ERBB4: variants seen among roughly 807,000 people sequenced by gnomAD.
ERBB4 encodes erb-b2 receptor tyrosine kinase 4.
A neutral mutation model predicts 158.0 loss-of-function variants in ERBB4; 42 were observed. The observed-to-expected ratio is 0.27, with a 90% CI of 0.21 to 0.34. ERBB4 has a LOEUF of 0.34. ERBB4 is among the 10% of genes least tolerant of loss of function. The probability of loss-of-function intolerance (pLI) is 1.00; values close to 1 mark genes in which losing one functional copy is unlikely to be tolerated. For missense variants in ERBB4, 1,333 were observed against 1,624.1 expected (o/e 0.82, Z 3.08); for synonymous variants, 583 against 558.7 (o/e 1.04, Z -0.61).
chr2:211,808,520 G>T lies in ERBB4; in HGVS notation c.422-20361C>A, dbSNP rs187969549. On this transcript the variant is annotated intron_variant, in intron 3 of 27. Coordinates refer to ENST00000342788, the MANE Select transcript of ERBB4 (RefSeq NM_005235.3). The stretch of plus-strand genomic sequence containing the variant: ...TTTGGTACCAGTACAATGCTGTTTT[G>T]GTTACTATAGCCTTGCAGTATAGTT... Among the ~76,000 whole-genome samples the T allele has an allele frequency of 5.7e-3, 864 of 152,164 alleles. 8 individuals carry two copies. The highest frequency in any genetic ancestry group is 0.019 in the African/African-American group (789 of 41,516).
chr2:211,987,079 G>A (rs2125244221), intron 2 of ERBB4, among the ~76,000 whole-genome samples: 1 of 152,088 alleles, frequency 6.6e-6, no homozygotes, highest in South Asian at 2.1e-4. Flanking sequence ...CCAAAACTTT[G>A]GGAGGCCGAG....
chr2:211,703,254 T>C (rs540638296), intron 11 of ERBB4, among the ~76,000 whole-genome samples: 39 of 152,294 alleles, frequency 2.6e-4, no homozygotes, highest in African/African-American at 9.1e-4. Context: ...GACTGGCTTA[T>C]AATATTTATT....
intron 12 of ERBB4, among the ~76,000 whole-genome samples, chr2:211,690,685 C>T (rs548908770): frequency 6.6e-6 from 1 of 152,152 alleles, no homozygotes; most frequent in African/African-American, 2.4e-5. Context: ...CCAAGGAAGC[C>T]ACTTCTTTGA....
intron 2 of ERBB4, among the ~76,000 whole-genome samples, chr2:211,965,221 C>A (rs915210091): frequency 6.6e-6 from 1 of 152,126 alleles, no homozygotes; most frequent in East Asian, 1.9e-4. Flanking sequence ...AAATATTATG[C>A]TTTTTGATAT....
At chr2:211,427,941 GA>G (rs34071141) in intron 22 of ERBB4, among the ~76,000 whole-genome samples, 9,268 of 137,688 alleles carry the variant, frequency 0.067, 583 homozygotes, top group African/African-American at 0.17. Flanking sequence ...AATAAACCAG[GA>G]AAAAAAAAAA....
chr2:211,687,203 G>A (rs9798120), intron 12 of ERBB4, among the ~76,000 whole-genome samples: 59,602 of 149,992 alleles, frequency 0.4, 13,345 homozygotes, highest in East Asian at 0.9. Flanking sequence ...TACTTGGGAG[G>A]CTGAGGCAGA....
intron 9 of ERBB4, among the ~76,000 whole-genome samples, chr2:211,711,585 C>G (rs2073703532): frequency 1.3e-5 from 2 of 152,088 alleles, no homozygotes; most frequent in Non-Finnish European, 2.9e-5. Context: ...AATAACACAT[C>G]AGGACAAAGA....
chr2:212,213,580 G>C (rs570219507), intron 1 of ERBB4, among the ~76,000 whole-genome samples: 1 of 151,984 alleles, frequency 6.6e-6, no homozygotes, highest in South Asian at 2.1e-4. Context: ...CTACATGTTA[G>C]AAAATATTTA....
At chr2:212,272,504 T>G (rs1168351148) in intron 1 of ERBB4, among the ~76,000 whole-genome samples, 1 of 151,764 alleles carries the variant, frequency 6.6e-6, no homozygotes, top group Non-Finnish European at 1.5e-5. Flanking sequence ...ACAGGTTTTC[T>G]CTCTTGCAGT....
intron 3 of ERBB4, among the ~76,000 whole-genome samples, chr2:211,812,291 C>G (rs1259849012): frequency 6.6e-6 from 1 of 152,198 alleles, no homozygotes; most frequent in Non-Finnish European, 1.5e-5. Flanking sequence ...AGCTGCAGGT[C>G]TGCTGGAGTT....
At chr2:211,558,530 G>T (rs1024035685) in intron 20 of ERBB4, among the ~76,000 whole-genome samples, 1 of 152,084 alleles carries the variant, frequency 6.6e-6, no homozygotes, top group Non-Finnish European at 1.5e-5. Flanking sequence ...GAATGTATTA[G>T]CATCTTTGAG....
At chr2:212,445,178 C>T (rs2092324121) in intron 1 of ERBB4, among the ~76,000 whole-genome samples, 1 of 152,076 alleles carries the variant, frequency 6.6e-6, no homozygotes, top group Non-Finnish European at 1.5e-5. Context: ...ACAATGCTAA[C>T]TAGGTGACAA....
intron 2 of ERBB4, among the ~76,000 whole-genome samples, chr2:212,010,776 A>T (rs913065835): frequency 6.6e-6 from 1 of 152,066 alleles, no homozygotes; most frequent in Non-Finnish European, 1.5e-5. Flanking sequence ...GACATATCTC[A>T]GTCCTTATCT....
chr2:211,468,819 T>C (rs188765079), intron 20 of ERBB4, among the ~76,000 whole-genome samples: 75 of 118,972 alleles, frequency 6.3e-4, no homozygotes, highest in African/African-American at 2.1e-3. Flanking sequence ...CCCTGTGTAA[T>C]GTGGATCCTG....
At position 211,383,949 on chromosome 2, in the gene ERBB4, G is replaced by A. The variant is rs2125311481; in HGVS notation, c.3593C>T (p.Ala1198Val). The A allele has an allele frequency of 6.2e-7, 1 of 1,614,054 alleles. No individual in the cohort carries two copies. The highest frequency in any genetic ancestry group is 8.5e-7 in the Non-Finnish European group (1 of 1,179,988). The change falls in exon 28 of 28, where the codon GCC (alanine) becomes GTC (valine). Residue 1198 changes from alanine to valine, a missense_variant. By Grantham distance (64) the Ala-to-Val change is moderately conservative. This residue lies in a region of ERBB4 where 252 missense variants were observed against 241.3 expected (regional missense o/e 1.04). Coordinates refer to ENST00000342788, the MANE Select transcript of ERBB4 (RefSeq NM_005235.3). ...YHNASNGPPK[A>V]EDEYVNEPLY... ...TGGCTCATTCACATACTCATCCTCG[G>A]CCTTGGGTGGACCATTGGATGCATT...
intron 25 of ERBB4, among the ~76,000 whole-genome samples, chr2:211,420,090 A>G (rs957967876): frequency 6.6e-6 from 1 of 152,090 alleles, no homozygotes; most frequent in African/African-American, 2.4e-5. Context: ...AGAAAAGTAG[A>G]AAGCCTACTT....
intron 5 of ERBB4, among the ~76,000 whole-genome samples, chr2:211,725,993 G>A (rs1272235688): frequency 3.9e-5 from 6 of 152,154 alleles, no homozygotes; most frequent in Non-Finnish European, 5.9e-5. Flanking sequence ...AAAGCAATAC[G>A]AAAGGCTATC....
intron 1 of ERBB4, among the ~76,000 whole-genome samples, chr2:212,205,348 C>T (rs911473698): frequency 2.6e-5 from 4 of 152,154 alleles, no homozygotes; most frequent in Non-Finnish European, 4.4e-5. Flanking sequence ...TTAGTAGAGA[C>T]GGGGTTTCAC....
At chr2:211,397,166 A>G (rs961154300) in intron 25 of ERBB4, among the ~76,000 whole-genome samples, 4 of 152,148 alleles carry the variant, frequency 2.6e-5, no homozygotes, top group Non-Finnish European at 1.5e-5. Flanking sequence ...CCTGTTGACC[A>G]TAGTCTAAGC....
Sources: gnomAD v4.1 joint callset for allele counts (sites outside exome capture counted in the v4.1 genomes callset) on GRCh38, gnomAD v4.1.1 for gene constraint, gnomAD v4.1.1 regional missense constraint, MANE v1.5 for transcripts, NCBI Gene and HGNC (gene_info 2026-07-23, HGNC 2026-07-21) for gene names.